Variants in SH3PXD2A observed in about 807,000 individuals in gnomAD.
SH3PXD2A encodes SH3 and PX domains 2A.
SH3PXD2A carries 32 observed loss-of-function variants against 115.2 expected under a neutral mutation model. The observed-to-expected ratio is 0.28, with a 90% CI of 0.21 to 0.37. The LOEUF is 0.37. Among genes scored for constraint, SH3PXD2A ranks in the 10% least tolerant of loss-of-function variants. The pLI is 1.00. For missense variants in SH3PXD2A, 1,328 were observed against 1,498.7 expected (o/e 0.89, Z 1.88); for synonymous variants, 610 against 629.1 (o/e 0.97, Z 0.45).
chr10:103,713,333 A>C (rs946706246), intron 5 of SH3PXD2A, among the ~76,000 whole-genome samples: 1 of 152,308 alleles, frequency 6.6e-6, no homozygotes, highest in East Asian at 1.9e-4. Context: ...GACCACTGCA[A>C]TAGCCAACTG....
rs181840013 is a variant in SH3PXD2A, at chr10:103,721,221, C to T, written c.398+3049G>A. 1.2e-3 allele frequency among the ~76,000 whole-genome samples: 185 copies of T among 152,318 alleles called. 1 individual carries two copies. The Middle Eastern group carries it at 0.014, about 11-fold the overall frequency. ...TTCCTGTGCACCAGTAGCACCTGGC[C>T]GGGTTATTTGAGTAAACCCTCTTGA... is the stretch of plus-strand genomic sequence containing the variant. On this transcript the variant is annotated intron_variant, in intron 5 of 14. Transcript: ENST00000369774.
intron 9 of SH3PXD2A, among the ~76,000 whole-genome samples, chr10:103,626,639 A>G (rs1564847626): frequency 6.6e-6 from 1 of 151,360 alleles, no homozygotes; most frequent in South Asian, 2.1e-4. Context: ...AAAAAAAAAA[A>G]GGAAGGGCTG....
At chr10:103,832,172 C>G (rs2039487903) in intron 1 of SH3PXD2A, among the ~76,000 whole-genome samples, 1 of 152,144 alleles carries the variant, frequency 6.6e-6, no homozygotes, top group Non-Finnish European at 1.5e-5. Flanking sequence ...AATGGACAGG[C>G]AGTATGAGCA....
At chr10:103,833,267 C>A (rs1166796708) in intron 1 of SH3PXD2A, among the ~76,000 whole-genome samples, 1 of 152,138 alleles carries the variant, frequency 6.6e-6, no homozygotes, top group Non-Finnish European at 1.5e-5. Flanking sequence ...TGAAGTGATT[C>A]CATAGGTATG....
chr10:103,786,656 C>A (rs376933107), intron 2 of SH3PXD2A, among the ~76,000 whole-genome samples: 1 of 151,972 alleles, frequency 6.6e-6, no homozygotes, highest in African/African-American at 2.4e-5. Flanking sequence ...ACAGTGAGAC[C>A]TCTTAAAAAA....
intron 3 of SH3PXD2A, chr10:103,736,902 G>T: frequency 1.6e-6 from 1 of 620,048 alleles, no homozygotes; most frequent in Non-Finnish European, 2.6e-6. Flanking sequence ...AACAAAGGTA[G>T]CCACAGGATG....
chr10:103,674,787 TCCAGCCTGGA>T (rs1395028108), intron 6 of SH3PXD2A, among the ~76,000 whole-genome samples: 1 of 152,114 alleles, frequency 6.6e-6, no homozygotes, highest in Non-Finnish European at 1.5e-5. Flanking sequence ...GCCACCGCAC[TCCAGCCTGGA>T]CAACAGAGCA....
chr10:103,845,750 G>C (rs1288333220), intron 1 of SH3PXD2A, among the ~76,000 whole-genome samples: 4 of 152,260 alleles, frequency 2.6e-5, no homozygotes, highest in African/African-American at 9.6e-5. Context: ...GTCTGGATCG[G>C]GACCCCTTTC....
intron 8 of SH3PXD2A, among the ~76,000 whole-genome samples, chr10:103,653,165 G>C (rs180777473): frequency 4.6e-5 from 7 of 152,062 alleles, no homozygotes; most frequent in African/African-American, 1.7e-4. Flanking sequence ...ATGTCTCTTC[G>C]CAATATTTGA....
intron 4 of SH3PXD2A, among the ~76,000 whole-genome samples, chr10:103,735,275 T>C (rs1229321414): frequency 6.6e-6 from 1 of 152,250 alleles, no homozygotes; most frequent in East Asian, 1.9e-4. Flanking sequence ...ACATGAACAT[T>C]TGTAGTTACC....
At chr10:103,606,710 T>C (rs945215877) in intron 13 of SH3PXD2A, among the ~76,000 whole-genome samples, 1 of 152,180 alleles carries the variant, frequency 6.6e-6, no homozygotes, top group Non-Finnish European at 1.5e-5. Context: ...TTGGCCGGGC[T>C]GGTCTCCAGC....
At chr10:103,623,022 AG>A (rs1380417562) in intron 9 of SH3PXD2A, among the ~76,000 whole-genome samples, 1 of 152,206 alleles carries the variant, frequency 6.6e-6, no homozygotes, top group Non-Finnish European at 1.5e-5. Context: ...TACCTTGGAC[AG>A]GCACCATGCT....
rs1300642047 is a variant in SH3PXD2A at position 103,620,223 on chromosome 10, C to T, written c.802+2247G>A. 3.9e-5 allele frequency among the ~76,000 whole-genome samples: 6 copies of T among 152,178 alleles called. No homozygotes were observed. In the South Asian group the frequency reaches 8.3e-4, roughly 21 times the overall value. On this transcript the variant is annotated intron_variant, in intron 10 of 14. Coordinates refer to ENST00000369774, the MANE Select transcript of SH3PXD2A (RefSeq NM_001394015.1). The surrounding 1 kb of genome is among the most constrained non-coding windows in gnomAD (Gnocchi z 5.3). Reference sequence around the variant, plus strand: ...GGCTGTGAGCTCCAGTGGGATCCTCCGGGCTTCTGGGAAGCACTGGGGCCG... The same window carrying T: ...GGCTGTGAGCTCCAGTGGGATCCTCTGGGCTTCTGGGAAGCACTGGGGCCG...
At chr10:103,815,888 C>CAA (rs749050851) in intron 1 of SH3PXD2A, among the ~76,000 whole-genome samples, 1,354 of 110,102 alleles carry the variant, frequency 0.012, 19 homozygotes, top group African/African-American at 0.042. Flanking sequence ...GACTCCATCT[C>CAA]AAAAAAAAAA....
chr10:103,690,094 C>G (rs767439969), intron 6 of SH3PXD2A, among the ~76,000 whole-genome samples: 19 of 152,146 alleles, frequency 1.2e-4, no homozygotes, highest in Non-Finnish European at 2.2e-4. Flanking sequence ...GGGCAGTCAC[C>G]CCATCGGAGC....
At chr10:103,706,591 G>T (rs1175538445) in intron 5 of SH3PXD2A, among the ~76,000 whole-genome samples, 1 of 152,188 alleles carries the variant, frequency 6.6e-6, no homozygotes, top group Admixed American at 6.5e-5. Flanking sequence ...GGAACTGTGT[G>T]TGTCTTGCCA....
At chr10:103,712,316 C>T (rs12771336) in intron 5 of SH3PXD2A, among the ~76,000 whole-genome samples, 18,018 of 152,260 alleles carry the variant, frequency 0.12, 1,253 homozygotes, top group Non-Finnish European at 0.15. Flanking sequence ...GGGTTTTGCA[C>T]GTAGCCATCT....
intron 13 of SH3PXD2A, among the ~76,000 whole-genome samples, chr10:103,606,166 A>C (rs2036297061): frequency 7.4e-6 from 1 of 134,732 alleles, no homozygotes; most frequent in Non-Finnish European, 1.6e-5. Flanking sequence ...AAATTCTCAC[A>C]TTACTATTAC....
intron 7 of SH3PXD2A, 52 bp from the exon 8 acceptor site, chr10:103,661,166 G>A (rs944949651): frequency 2.5e-6 from 4 of 1,592,754 alleles, no homozygotes; most frequent in African/African-American, 1.4e-5. Context: ...ATGGCCCCGC[G>A]GCCAGGGCGC....
Sources: gnomAD v4.1 joint callset for allele counts (sites outside exome capture counted in the v4.1 genomes callset) on GRCh38, gnomAD v4.1.1 for gene constraint, Gnocchi (gnomAD v3.1) non-coding constraint, MANE v1.5 for transcripts, NCBI Gene and HGNC (gene_info 2026-07-23, HGNC 2026-07-21) for gene names.